The following DGKD variants were observed in gnomAD, a reference collection of about 807,000 sequenced individuals.
DGKD encodes the protein diacylglycerol kinase delta.
A neutral mutation model predicts 154.4 loss-of-function variants in DGKD; 68 were observed. The observed-to-expected ratio is 0.44, with a 90% CI of 0.36 to 0.54. The LOEUF (loss-of-function observed/expected upper bound fraction) is 0.54. Ranked by LOEUF, DGKD falls within the 20% of genes least tolerant of loss-of-function variation. The probability of loss-of-function intolerance (pLI) is 0.00; values close to 1 mark genes in which losing one functional copy is unlikely to be tolerated. For synonymous variants in DGKD, 693 were observed against 638.0 expected (o/e 1.09, Z -1.30); for missense variants, 1,343 against 1,593.6 (o/e 0.84, Z 2.68).
At chr2:233,393,029 T>A (rs1379927872) in intron 3 of DGKD, among the ~76,000 whole-genome samples, 1 of 152,204 alleles carries the variant, frequency 6.6e-6, no homozygotes, top group African/African-American at 2.4e-5. Flanking sequence ...CCTTTTTTAT[T>A]TTTTTGAGAC....
At chr2:233,432,467 G>T (rs1043903563) in intron 3 of DGKD, among the ~76,000 whole-genome samples, 7 of 151,240 alleles carry the variant, frequency 4.6e-5, no homozygotes, top group Non-Finnish European at 8.8e-5. Context: ...TGACCATCCT[G>T]GCTAACACAG....
In DGKD at chr2:233,363,513, GAAGA is replaced by G. The variant is rs1356096466; in HGVS notation, c.156+8847_156+8850del. Among the ~76,000 whole-genome samples, 6 of 152,222 alleles carry G rather than the reference GAAGA, an allele frequency of 3.9e-5. No individual in the cohort carries two copies. The East Asian group carries it at 5.8e-4, about 15-fold the overall frequency. On this transcript the variant is annotated intron_variant, in intron 1 of 29. Transcript: ENST00000264057. Reference sequence around the variant, plus strand: ...AGTAAGCTAAGGTTAATTTGTTATTGAAGAAAGAAAGTCTTTCAAAAAATAAATG... The same window carrying G: ...AGTAAGCTAAGGTTAATTTGTTATTGAAGAAAGTCTTTCAAAAAATAAATG...
intron 3 of DGKD, among the ~76,000 whole-genome samples, chr2:233,409,785 C>T (rs2061776874): frequency 1.4e-5 from 2 of 138,156 alleles, no homozygotes; most frequent in South Asian, 2.4e-4. Flanking sequence ...TCCCCCCATA[C>T]CGTTTTTTTT....
chr2:233,389,518 T>G (rs955742699), intron 2 of DGKD, among the ~76,000 whole-genome samples: 5 of 151,472 alleles, frequency 3.3e-5, no homozygotes, highest in African/African-American at 1.2e-4. Flanking sequence ...TGCATTAAAA[T>G]TTGAAATGGA....
At position 233,470,415 on chromosome 2, in the gene DGKD, G is replaced by A. The variant is rs376949355; in HGVS notation, c.*955G>A. 1 of 152,572 alleles carries A rather than the reference G, an allele frequency of 6.6e-6. No homozygotes were observed. Among genetic ancestry groups the A allele is most frequent in the East Asian group, 1.9e-4 (1 of 5,280 alleles). The allele number at this position is 152,572 out of a possible 1,614,324, so 9.5% of individuals were successfully genotyped here. A position where few individuals can be genotyped will look rare whatever the true frequency, so the allele number is the denominator to read the frequency against. On this transcript the variant is annotated 3_prime_UTR_variant, in exon 30 of 30. Coordinates refer to ENST00000264057, the MANE Select transcript of DGKD (RefSeq NM_152879.3). Reference sequence around the variant, plus strand: ...GTGGTTTGACCTCTTCAGCCCGTCCGGTGGCCTGGAGGCCGGAGGCTCTCC... The same window carrying A: ...GTGGTTTGACCTCTTCAGCCCGTCCAGTGGCCTGGAGGCCGGAGGCTCTCC...
At chr2:233,380,782 C>A (rs1006930653) in intron 1 of DGKD, among the ~76,000 whole-genome samples, 6 of 152,144 alleles carry the variant, frequency 3.9e-5, no homozygotes, top group African/African-American at 1.2e-4. Context: ...GACCTGGAGC[C>A]GCTCTCCTGG....
chr2:233,462,597 A>G (rs1478069455), intron 25 of DGKD, 46 bp from the exon 26 acceptor site: 3 of 1,590,854 alleles, frequency 1.9e-6, no homozygotes, highest in Non-Finnish European at 2.6e-6. Flanking sequence ...CTAACCGTGC[A>G]TGTTCGGCCC....
intron 3 of DGKD, among the ~76,000 whole-genome samples, chr2:233,395,662 CT>C (rs1209520259): frequency 2.2e-3 from 280 of 128,080 alleles, no homozygotes; most frequent in Middle Eastern, 4.3e-3. Flanking sequence ...TTCCTTTTTC[CT>C]TTTTTTTTTT....
At position 233,440,807 on chromosome 2, in the gene DGKD, A is replaced by G. The variant is rs1445562905; in HGVS notation, c.1086-1080A>G. 1.3e-5 allele frequency among the ~76,000 whole-genome samples: 2 copies of G among 152,156 alleles called. No homozygotes were observed. The highest frequency in any genetic ancestry group is 2.9e-5 in the Non-Finnish European group (2 of 68,016). ...TTTTAGAAAGGTCTTCCTGGAACTC[A>G]TGGGGAGCTTTCAGGAAGGGTGTCA... On this transcript the variant is annotated intron_variant, in intron 9 of 29. Transcript: ENST00000264057. This position sits in a 1 kb window ranked among gnomAD's most constrained non-coding sequence, Gnocchi z 4.9.
At chr2:233,447,701 G>A in intron 12 of DGKD, 1 of 1,083,988 alleles carries the variant, frequency 9.2e-7, no homozygotes, top group South Asian at 2.7e-5. Flanking sequence ...GTGTCCAGAT[G>A]GGGCTCACAG....
intron 3 of DGKD, among the ~76,000 whole-genome samples, chr2:233,421,154 C>A (rs1006918714): frequency 6.6e-6 from 1 of 152,158 alleles, no homozygotes. Flanking sequence ...AGACTTTAAT[C>A]GACACCGTGC....
At chr2:233,401,627 G>T (rs1024295943) in intron 3 of DGKD, among the ~76,000 whole-genome samples, 1 of 152,030 alleles carries the variant, frequency 6.6e-6, no homozygotes, top group African/African-American at 2.4e-5. Flanking sequence ...TGTTAAAAGC[G>T]CTGTGAACTA....
intron 2 of DGKD, 134 bp downstream of exon 2, chr2:233,388,501 A>G (rs1272305402): frequency 2.7e-6 from 2 of 753,302 alleles, no homozygotes; most frequent in Non-Finnish European, 4.2e-6. Context: ...GTTTTGTAAC[A>G]CTCCACGCTG....
intron 6 of DGKD, 133 bp from the exon 7 acceptor site, chr2:233,436,182 TC>T: frequency 6.9e-7 from 1 of 1,447,124 alleles, no homozygotes; most frequent in African/African-American, 1.4e-5. Flanking sequence ...TGCCATCCCT[TC>T]CCTCACTGGC....
intron 3 of DGKD, among the ~76,000 whole-genome samples, chr2:233,409,787 GTTTTTTTTT>G (rs3075533): frequency 3.3e-5 from 2 of 60,892 alleles, no homozygotes; most frequent in African/African-American, 1.5e-4. Flanking sequence ...CCCCCATACC[GTTTTTTTTT>G]TTTTTTTTTT....
chr2:233,412,259 G>T (rs781033536), intron 3 of DGKD, among the ~76,000 whole-genome samples: 1 of 152,130 alleles, frequency 6.6e-6, no homozygotes, highest in South Asian at 2.1e-4. Context: ...ACATTAACAC[G>T]ATCTCTCTCT....
At chr2:233,394,374 C>T (rs1184543492) in intron 3 of DGKD, among the ~76,000 whole-genome samples, 1 of 152,086 alleles carries the variant, frequency 6.6e-6, no homozygotes, top group Non-Finnish European at 1.5e-5. Flanking sequence ...TCCCAGTTAG[C>T]TGGGACTACA....
At chr2:233,400,538 C>T (rs944424597) in intron 3 of DGKD, among the ~76,000 whole-genome samples, 11 of 152,238 alleles carry the variant, frequency 7.2e-5, no homozygotes, top group African/African-American at 2.7e-4. Flanking sequence ...TCCTAACTGC[C>T]TCTCCTCTCA....
intron 17 of DGKD, 84 bp downstream of exon 17, chr2:233,451,134 C>T (rs1353505891): frequency 6.8e-7 from 1 of 1,471,476 alleles, no homozygotes; most frequent in Non-Finnish European, 9.2e-7. Context: ...GGCTCGCTGC[C>T]CTCGGAGAGT....
Sources: gnomAD v4.1 joint callset for allele counts (sites outside exome capture counted in the v4.1 genomes callset) on GRCh38, gnomAD v4.1.1 for gene constraint, Gnocchi (gnomAD v3.1) non-coding constraint, MANE v1.5 for transcripts, NCBI Gene and HGNC (gene_info 2026-07-23, HGNC 2026-07-21) for gene names.